EIF2B3: variants seen among roughly 807,000 people sequenced by gnomAD.
EIF2B3 encodes translation initiation factor eIF2B subunit gamma.
In EIF2B3, 20 loss-of-function variants were observed where a neutral mutation model predicts 54.1. That is an observed-to-expected ratio of 0.37 (90% CI 0.26 to 0.54). The LOEUF (loss-of-function observed/expected upper bound fraction) is 0.54, where lower values mean the gene tolerates loss of function less well. Among genes scored for constraint, EIF2B3 ranks in the 20% least tolerant of loss-of-function variants. The probability of loss-of-function intolerance (pLI) is 0.86; values close to 1 mark genes in which losing one functional copy is unlikely to be tolerated. For missense variants in EIF2B3, 448 were observed against 547.8 expected (o/e 0.82, Z 1.82); for synonymous variants, 153 against 188.1 (o/e 0.81, Z 1.52).
At chr1:44,941,429 G>GT in intron 4 of EIF2B3, 77 bp downstream of exon 4, 2 of 1,492,930 alleles carry the variant, frequency 1.3e-6, no homozygotes, top group Admixed American at 2.1e-5. Flanking sequence ...CTTAATAAAT[G>GT]TTTTTTCAGG....
intron 3 of EIF2B3, among the ~76,000 whole-genome samples, chr1:44,971,917 C>T (rs1015476657): frequency 6.6e-6 from 1 of 152,038 alleles, no homozygotes; most frequent in African/African-American, 2.4e-5. Context: ...CCTGTAATTC[C>T]AGCTACTCAG....
At chr1:44,975,777 C>T (rs1312700722) in intron 3 of EIF2B3, among the ~76,000 whole-genome samples, 1 of 152,090 alleles carries the variant, frequency 6.6e-6, no homozygotes, top group Non-Finnish European at 1.5e-5. Flanking sequence ...CCGAGACCAG[C>T]CTGGCCAACA....
intron 11 of EIF2B3, among the ~76,000 whole-genome samples, chr1:44,851,885 T>C (rs939067580): frequency 6.6e-6 from 1 of 152,130 alleles, no homozygotes; most frequent in African/African-American, 2.4e-5. Flanking sequence ...CATGACATCT[T>C]TGCCTACCTC....
At chr1:44,969,873 G>A (rs1449537852) in intron 3 of EIF2B3, 1 of 152,152 alleles carries the variant, frequency 6.6e-6, no homozygotes. Context: ...ACATAGATAA[G>A]AATGAATGAT....
chr1:44,901,682 C>T (rs1338073298), intron 5 of EIF2B3, among the ~76,000 whole-genome samples: 1 of 151,592 alleles, frequency 6.6e-6, no homozygotes, highest in Non-Finnish European at 1.5e-5. Flanking sequence ...TCCTCAGCCT[C>T]CTGAGTAGCT....
At chr1:44,852,505 C>T (rs1213326536) in intron 11 of EIF2B3, among the ~76,000 whole-genome samples, 3 of 152,026 alleles carry the variant, frequency 2.0e-5, no homozygotes, top group African/African-American at 7.2e-5. Context: ...GGGCGCTGGG[C>T]GCGGTGGCTC....
intron 3 of EIF2B3, among the ~76,000 whole-genome samples, chr1:44,957,473 C>G (rs1331803115): frequency 6.6e-6 from 1 of 152,118 alleles, no homozygotes; most frequent in African/African-American, 2.4e-5. Flanking sequence ...TTTAACTTCA[C>G]TCATAATAAG....
At chr1:44,903,186 A>C (rs986223574) in intron 5 of EIF2B3, among the ~76,000 whole-genome samples, 1 of 152,236 alleles carries the variant, frequency 6.6e-6, no homozygotes, top group African/African-American at 2.4e-5. Flanking sequence ...AGAGCTAGGG[A>C]ATAAAAAAAG....
At position 44,917,953 on chromosome 1, in the gene EIF2B3, T is replaced by G. The variant is rs542009769; in HGVS notation, c.566+8675A>C. Among the ~76,000 whole-genome samples, 58 of 150,990 alleles carry G rather than the reference T, an allele frequency of 3.8e-4. 1 individual carries two copies. Among genetic ancestry groups the G allele is most frequent in the African/African-American group, 1.3e-3 (55 of 41,260 alleles). The stretch of plus-strand genomic sequence containing the variant: ...CACGCCCGGCTAATTTTTTGTATTT[T>G]TAGTAGAGACGGGGTTTCACCGTGT... On this transcript the variant is annotated intron_variant, in intron 5 of 11. Coordinates refer to ENST00000360403, the MANE Select transcript of EIF2B3 (RefSeq NM_020365.5).
rs1014810994 is a variant in EIF2B3, at chr1:44,892,585, TA to T, written c.656+4769del. On this transcript the variant is annotated intron_variant, in intron 6 of 11. Coordinates refer to ENST00000360403, the MANE Select transcript of EIF2B3 (RefSeq NM_020365.5). ...GGCGAAAGAGCAAGATCCTGTCTCTTAAAAAAAAAAAGTAAAGCTTTCCTAA... is the reference window on the plus strand; with the variant it reads ...GGCGAAAGAGCAAGATCCTGTCTCTTAAAAAAAAAAGTAAAGCTTTCCTAA... 3.9e-4 allele frequency among the ~76,000 whole-genome samples: 56 copies of T among 145,116 alleles called. 1 individual carries two copies. In the Middle Eastern group the frequency reaches 0.011, roughly 28 times the overall value.
chr1:44,966,438 C>CA lies in EIF2B3; in HGVS notation c.294+11876dup, dbSNP rs60200568. ...TGGGCGACAGAGCGAGACTCTGTCT[C>CA]AAAAAAAAAAAAAAAAAAGAAGAAG... On this transcript the variant is annotated intron_variant, in intron 3 of 11. Coordinates refer to ENST00000360403, the MANE Select transcript of EIF2B3 (RefSeq NM_020365.5). Among the ~76,000 whole-genome samples, 460 of 85,676 alleles carry CA rather than the reference C, an allele frequency of 5.4e-3. 6 individuals carry two copies. Among genetic ancestry groups the CA allele is most frequent in the African/African-American group, 0.011 (239 of 22,186 alleles). 56.2% of individuals were successfully genotyped at this position (85,676 alleles called of 152,430 possible). A position where few individuals can be genotyped will look rare whatever the true frequency, so the allele number is the denominator to read the frequency against.
At chr1:44,949,757 G>A (rs577942036) in intron 3 of EIF2B3, among the ~76,000 whole-genome samples, 3 of 152,186 alleles carry the variant, frequency 2.0e-5, no homozygotes, top group Non-Finnish European at 4.4e-5. Flanking sequence ...ATGATGATAT[G>A]CTTGCTAGAT....
At chr1:44,891,775 AGTTATAT>A (rs1256856210) in intron 6 of EIF2B3, among the ~76,000 whole-genome samples, 5 of 152,200 alleles carry the variant, frequency 3.3e-5, no homozygotes, top group African/African-American at 4.8e-5. Context: ...CAGTAAAGAC[AGTTATAT>A]GTACTGCTTT....
At chr1:44,873,118 G>C (rs1286294578) in intron 10 of EIF2B3, among the ~76,000 whole-genome samples, 1 of 152,136 alleles carries the variant, frequency 6.6e-6, no homozygotes, top group Non-Finnish European at 1.5e-5. Flanking sequence ...TCCTTTGGAG[G>C]GCTGGTTGTC....
At chr1:44,924,260 C>T (rs566917063) in intron 5 of EIF2B3, among the ~76,000 whole-genome samples, 14 of 151,388 alleles carry the variant, frequency 9.2e-5, no homozygotes, top group Non-Finnish European at 1.8e-4. Context: ...ATTTCTTAAA[C>T]GATTTTCTTT....
At chr1:44,921,790 C>T (rs1351945407) in intron 5 of EIF2B3, among the ~76,000 whole-genome samples, 1 of 152,062 alleles carries the variant, frequency 6.6e-6, no homozygotes, top group Admixed American at 6.6e-5. Flanking sequence ...GTTACCAAAG[C>T]TCTGTAGTAT....
chr1:44,903,830 T>C (rs1334569829), intron 5 of EIF2B3, among the ~76,000 whole-genome samples: 1 of 152,136 alleles, frequency 6.6e-6, no homozygotes, highest in East Asian at 1.9e-4. Context: ...TCCCAGCACT[T>C]TGGGAGGCTG....
At chr1:44,965,732 C>T (rs556332762) in intron 3 of EIF2B3, among the ~76,000 whole-genome samples, 170 of 150,638 alleles carry the variant, frequency 1.1e-3, no homozygotes, top group Non-Finnish European at 2.0e-3. Context: ...CTCTGCCTCC[C>T]GGGTTCAAGC....
chr1:44,861,742 G>C (rs1473812151), intron 10 of EIF2B3, among the ~76,000 whole-genome samples: 1 of 152,220 alleles, frequency 6.6e-6, no homozygotes, highest in Non-Finnish European at 1.5e-5. Flanking sequence ...GATAGGGAAA[G>C]TGGGGTGACG....
Sources: gnomAD v4.1 joint callset for allele counts (sites outside exome capture counted in the v4.1 genomes callset) on GRCh38, gnomAD v4.1.1 for gene constraint, MANE v1.5 for transcripts, NCBI Gene and HGNC (gene_info 2026-07-23, HGNC 2026-07-21) for gene names.